Variants in CHD1 observed in about 807,000 individuals in gnomAD.
CHD1 encodes the protein ATP-dependent chromatin remodeler CHD1.
Under a neutral mutation model 224.2 loss-of-function variants are expected in CHD1, and 36 were observed. The ratio of observed to expected loss-of-function variants is 0.16; its 90% CI spans 0.12 to 0.21. The LOEUF (loss-of-function observed/expected upper bound fraction) is 0.21, where lower values mean the gene tolerates loss of function less well. Among genes scored for constraint, CHD1 ranks in the 10% least tolerant of loss-of-function variants. CHD1 has a pLI of 1.00. For missense variants in CHD1, 1,378 were observed against 1,994.8 expected, an observed-to-expected ratio of 0.69 and a Z score of 5.89; for synonymous variants, 668 against 658.3, an observed-to-expected ratio of 1.01 and a Z score of -0.23.
chr5:98,902,139 T>C (rs1200702571), intron 5 of CHD1, among the ~76,000 whole-genome samples: 3 of 151,706 alleles, frequency 2.0e-5, no homozygotes, highest in African/African-American at 4.8e-5. Context: ...ATTTTTATAA[T>C]GGAAAAAAAA....
rs992545694 is a variant in CHD1, at chr5:98,876,505, T to G, written c.3291A>C (p.Gly1097=). The change falls in exon 24 of 36, where the codon GGA becomes GGC. Residue 1097 remains glycine (G), a synonymous_variant. Coordinates refer to ENST00000614616, the MANE Select transcript of CHD1 (RefSeq NM_001270.4). ...CTTCTGAGATGGAATCACTATCAGATCCAGAGTATCTCCTACTTCTACTGC... is the reference window on the plus strand; with the variant it reads ...CTTCTGAGATGGAATCACTATCAGAGCCAGAGTATCTCCTACTTCTACTGC... ...GRRSRSRRYS[G]SDSDSISEGK... 5 of 1,613,774 alleles carry G rather than the reference T, an allele frequency of 3.1e-6. No homozygotes were observed. Among genetic ancestry groups the G allele is most frequent in the African/African-American group, 1.3e-5 (1 of 75,042 alleles).
intron 2 of CHD1, among the ~76,000 whole-genome samples, chr5:98,913,354 G>C (rs1383691633): frequency 2.0e-5 from 3 of 152,096 alleles, no homozygotes; most frequent in Admixed American, 2.0e-4. Context: ...TATGCCTTCA[G>C]TCCTAGCTAC....
intron 7 of CHD1, 92 bp from the exon 8 acceptor site, chr5:98,899,797 T>C (rs1751574763): frequency 1.2e-6 from 1 of 809,780 alleles, no homozygotes; most frequent in African/African-American, 1.7e-5. Flanking sequence ...AGTACAAAAA[T>C]ATATACTCTT....
In CHD1 at chr5:98,856,528, G is replaced by C; in HGVS notation, c.4985C>G (p.Ser1662Ter). The C allele has an allele frequency of 3.7e-6, 6 of 1,613,914 alleles. No homozygotes were observed. The highest frequency in any genetic ancestry group is 5.1e-6 in the Non-Finnish European group (6 of 1,179,840). The change falls in exon 36 of 36, where the codon TCA becomes TGA. Residue 1662 changes from serine (S) to a stop codon, truncating the protein, a stop_gained. Coordinates refer to ENST00000614616, the MANE Select transcript of CHD1 (RefSeq NM_001270.4). LOFTEE classifies it high-confidence loss of function. ...AGCTCTGTGGTCCATTTGCCAGTCT[G>C]AGTGATACCTATAATCCCTGGAAGA... ...HKSSRDYRYH[S>*]DWQMDHRASS...
chr5:98,881,279 C>G lies in CHD1; in HGVS notation c.2964G>C (p.Gln988His). The change falls in exon 21 of 36, where the codon CAG becomes CAC. Residue 988 changes from glutamine (Q) to histidine (H), a missense_variant and splice_region_variant. Gln to His is a conservative substitution (Grantham distance 24). Transcript: ENST00000614616. ...KEPEGEEQEP[Q>H]EMDIDEILKR... ...TTTTTTTTTTTTTTTTTTTTTTTACCTGGGGCTCTTGTTCTTCTCCTTCAG... is the reference window on the plus strand; with the variant it reads ...TTTTTTTTTTTTTTTTTTTTTTTACGTGGGGCTCTTGTTCTTCTCCTTCAG... 5 of 917,800 alleles carry G rather than the reference C, an allele frequency of 5.4e-6. No individual in the cohort carries two copies. Among genetic ancestry groups the G allele is most frequent in the Non-Finnish European group, 7.4e-6 (5 of 672,576 alleles). The allele number at this position is 917,800 out of a possible 1,614,324, so 56.9% of individuals were successfully genotyped here.
At chr5:98,887,379 AGTCC>A (rs1339161661) in intron 17 of CHD1, among the ~76,000 whole-genome samples, 18 of 152,142 alleles carry the variant, frequency 1.2e-4, no homozygotes, top group South Asian at 2.1e-4. Context: ...TTGTGTGTTC[AGTCC>A]CATTATTATA....
intron 1 of CHD1, among the ~76,000 whole-genome samples, 178 bp downstream of exon 1, chr5:98,928,361 G>A (rs1217260646): frequency 2.0e-5 from 3 of 152,022 alleles, no homozygotes; most frequent in Non-Finnish European, 4.4e-5. Context: ...GCCTGTACTC[G>A]CCGCTCACAC....
At chr5:98,928,173 G>GCCGCCC (rs1279340841) in intron 1 of CHD1, among the ~76,000 whole-genome samples, 14 of 150,722 alleles carry the variant, frequency 9.3e-5, no homozygotes, top group Middle Eastern at 6.8e-3. Context: ...CGCCCGAGCC[G>GCCGCCC]CCGCCCCCTC....
At chr5:98,922,149 CAA>C (rs1013857182) in intron 2 of CHD1, among the ~76,000 whole-genome samples, 4 of 151,616 alleles carry the variant, frequency 2.6e-5, no homozygotes, top group Non-Finnish European at 5.9e-5. Context: ...GACTCCATCT[CAA>C]TTAAAAAAAA....
intron 7 of CHD1, among the ~76,000 whole-genome samples, chr5:98,900,389 A>C (rs190982527): frequency 1.3e-5 from 2 of 152,230 alleles, no homozygotes; most frequent in Admixed American, 6.5e-5. Flanking sequence ...ACAACAACAA[A>C]AAATCCACCC....
intron 15 of CHD1, 89 bp downstream of exon 15, chr5:98,892,436 T>C (rs1751084932): frequency 6.9e-6 from 6 of 875,516 alleles, no homozygotes; most frequent in East Asian, 2.5e-5. Flanking sequence ...GACACTATTG[T>C]AGAGAAGGTG....
rs1464015067 is a variant in CHD1, at chr5:98,879,788, T to C, written c.3061-60A>G. ...CAGAAAAATTGATCCCTAAAAGTTT[T>C]TTTTAAGGGGAAGAACTGGCATGCT... On this transcript the variant is annotated intron_variant, in intron 22 of 35. Coordinates refer to ENST00000614616, the MANE Select transcript of CHD1 (RefSeq NM_001270.4). 3 of 1,128,330 alleles carry C rather than the reference T, an allele frequency of 2.7e-6. No individual in the cohort carries two copies. In the African/African-American group the frequency reaches 4.7e-5, roughly 18 times the overall value. The allele number at this position is 1,128,330 out of a possible 1,614,324, so 69.9% of individuals were successfully genotyped here. A position where few individuals can be genotyped will look rare whatever the true frequency, so the allele number is the denominator to read the frequency against.
Position 98,858,297 on chromosome 5 carries a change from T to C in CHD1, c.4670A>G (p.His1557Arg), listed in dbSNP as rs200720746. Residue 1557 changes from histidine (H) to arginine (R), a missense_variant, in exon 35 of 36, where the codon CAT becomes CGT. Transcript: ENST00000614616. ...DRHLTQYHDH[H>R]KDRHQGDSYK... ...AGAATCTCCCTGATGTCGGTCTTTA[T>C]GATGATCATGGTACTGAGTTAAGTG... 5.0e-6 allele frequency: 8 copies of C among 1,613,278 alleles called. No homozygotes were observed. In the Admixed American group the frequency reaches 8.3e-5, roughly 17 times the overall value.
intron 1 of CHD1, among the ~76,000 whole-genome samples, chr5:98,927,835 A>G (rs1485107219): frequency 6.6e-6 from 1 of 152,058 alleles, no homozygotes; most frequent in African/African-American, 2.4e-5. Flanking sequence ...CCTTATCCGA[A>G]TAAGTCCTCT....
chr5:98,911,926 G>A (rs1752449346), intron 2 of CHD1, among the ~76,000 whole-genome samples: 1 of 152,146 alleles, frequency 6.6e-6, no homozygotes, highest in Non-Finnish European at 1.5e-5. Flanking sequence ...AAACTGGAAT[G>A]CAGACTGAGA....
chr5:98,926,094 A>G (rs1250056603), intron 2 of CHD1, among the ~76,000 whole-genome samples: 1 of 152,152 alleles, frequency 6.6e-6, no homozygotes, highest in Admixed American at 6.5e-5. Context: ...AGATTTAAGT[A>G]AACAAAAACT....
At chr5:98,897,368 A>T in intron 10 of CHD1, 48 bp from the exon 11 acceptor site, 4 of 1,310,774 alleles carry the variant, frequency 3.1e-6, no homozygotes, top group Non-Finnish European at 4.2e-6. Flanking sequence ...AATATAAGAA[A>T]TTATACTAAA....
At chr5:98,928,411 C>G (rs1753642779) in intron 1 of CHD1, 128 bp downstream of exon 1, 1 of 153,682 alleles carries the variant, frequency 6.5e-6, no homozygotes, top group African/African-American at 2.4e-5. Context: ...CACCGGCACT[C>G]ACAGAGCCAC....
intron 13 of CHD1, 92 bp from the exon 14 acceptor site, chr5:98,893,698 T>G: frequency 1.3e-6 from 1 of 781,714 alleles, no homozygotes; most frequent in Admixed American, 3.0e-5. Context: ...TAAAATGAAA[T>G]AAAAATTAAA....
Sources: allele counts gnomAD v4.1 joint callset (sites outside exome capture counted in the v4.1 genomes callset), GRCh38; gene constraint gnomAD v4.1.1; transcripts MANE v1.5; gene names NCBI Gene and HGNC (gene_info 2026-07-23, HGNC 2026-07-21).